SLC38A12: variants seen among roughly 807,000 people sequenced by gnomAD.
SLC38A12 encodes the protein putative sodium-coupled neutral amino acid transporter 12.
chr17:74,797,579 C>G, the SLC38A12 span, among the ~76,000 whole-genome samples: 34 of 152,306 alleles, frequency 2.2e-4, 1 homozygote, highest in Non-Finnish European at 1.5e-5. Context: ...GAAATCAAGG[C>G]AGATGGGCCT....
the SLC38A12 span, chr17:74,838,989 TCTACCCAACATCTGCCA>T: frequency 6.5e-7 from 1 of 1,535,728 alleles, no homozygotes; most frequent in Non-Finnish European, 8.7e-7. Flanking sequence ...CTCAACAGCC[TCTACCCAACATCTGCCA>T]CCTGCATGGC....
the SLC38A12 span, among the ~76,000 whole-genome samples, chr17:74,783,727 T>C: frequency 4.9e-3 from 219 of 44,380 alleles, 2 homozygotes; most frequent in African/African-American, 0.01. Context: ...TTTTCTTTTT[T>C]TTTTTTTTTT....
chr17:74,836,049 A>G, the SLC38A12 span: 1 of 1,612,804 alleles, frequency 6.2e-7, no homozygotes, highest in Non-Finnish European at 8.5e-7. The surrounding 1 kb of genome is among the most constrained non-coding windows in gnomAD (Gnocchi z 4.2). Flanking sequence ...CTACTCCTTC[A>G]TGTGCCAGCA....
chr17:74,786,929 C>T, the SLC38A12 span, among the ~76,000 whole-genome samples: 4 of 152,152 alleles, frequency 2.6e-5, no homozygotes, highest in East Asian at 7.7e-4. Context: ...GGCTCCCAGG[C>T]AGGGGGTACC....
At chr17:74,785,787 C>A in the SLC38A12 span, 1 of 764,410 alleles carries the variant, frequency 1.3e-6, no homozygotes, top group Non-Finnish European at 2.0e-6. Flanking sequence ...CTCCTGGTGG[C>A]TTGTCTTTGT....
At chr17:74,780,548 C>A in the SLC38A12 span, among the ~76,000 whole-genome samples, 1 of 152,314 alleles carries the variant, frequency 6.6e-6, no homozygotes, top group East Asian at 1.9e-4. Context: ...AACTGTCCCA[C>A]GACCAGCAGA....
At chr17:74,839,519 T>C in the SLC38A12 span, 6 of 184,988 alleles carry the variant, frequency 3.2e-5, no homozygotes, top group Admixed American at 5.5e-5. Flanking sequence ...ATGGTGTTGA[T>C]TGCAGACTGG....
chr17:74,796,956 AGGGTAGAT>A, the SLC38A12 span, among the ~76,000 whole-genome samples: 1 of 152,188 alleles, frequency 6.6e-6, no homozygotes, highest in Admixed American at 6.5e-5. Context: ...GATCTCTAGC[AGGGTAGAT>A]GGGCAGAAGG....
chr17:74,799,876 A>C, the SLC38A12 span, among the ~76,000 whole-genome samples: 1 of 152,240 alleles, frequency 6.6e-6, no homozygotes, highest in Non-Finnish European at 1.5e-5. Flanking sequence ...ATGAGGGTGC[A>C]GAGGGAGTGA....
the SLC38A12 span, among the ~76,000 whole-genome samples, chr17:74,818,452 A>G: frequency 9.0e-3 from 1,343 of 149,884 alleles, 79 homozygotes; most frequent in East Asian, 0.16. Flanking sequence ...TCATCCTTAC[A>G]GTGATAATGG....
chr17:74,794,966 A>G, the SLC38A12 span: 3 of 1,477,864 alleles, frequency 2.0e-6, no homozygotes, highest in Non-Finnish European at 9.3e-7. Context: ...AAAAACATGC[A>G]GACATCTCTT....
chr17:74,835,991 G>C, the SLC38A12 span: 1 of 1,611,880 alleles, frequency 6.2e-7, no homozygotes, highest in Non-Finnish European at 8.5e-7. Context: ...AGGGGCACCC[G>C]CCCCTGGCTG....
chr17:74,800,234 C>T, the SLC38A12 span, among the ~76,000 whole-genome samples: 2 of 152,262 alleles, frequency 1.3e-5, no homozygotes, highest in East Asian at 3.8e-4. Context: ...CTTCTCAGCC[C>T]TGGAAGCCTG....
chr17:74,819,464 G>C, the SLC38A12 span, among the ~76,000 whole-genome samples: 497 of 152,378 alleles, frequency 3.3e-3, 3 homozygotes, highest in African/African-American at 0.011. Context: ...AGAGCAGGAC[G>C]CATGGGGTCC....
the SLC38A12 span, among the ~76,000 whole-genome samples, chr17:74,820,082 A>G: frequency 3.9e-5 from 6 of 152,214 alleles, no homozygotes; most frequent in African/African-American, 7.2e-5. Context: ...TCGAGGTCAC[A>G]TAGTGTGGAT....
At chr17:74,823,293 C>A in the SLC38A12 span, among the ~76,000 whole-genome samples, 33 of 152,318 alleles carry the variant, frequency 2.2e-4, no homozygotes, top group Non-Finnish European at 3.5e-4. Context: ...AATAAATGTG[C>A]TGAGCCGGAA....
the SLC38A12 span, chr17:74,837,472 GC>G: frequency 1.1e-5 from 11 of 985,378 alleles, no homozygotes; most frequent in African/African-American, 1.7e-5. Flanking sequence ...AGCCCTCAGG[GC>G]CTCCTACAGT....
chr17:74,814,407 G>A, the SLC38A12 span, among the ~76,000 whole-genome samples: 3 of 152,148 alleles, frequency 2.0e-5, no homozygotes, highest in African/African-American at 7.2e-5. Flanking sequence ...GGGGAGTCGG[G>A]CACCCCAGGC....
the SLC38A12 span, chr17:74,838,141 G>A: frequency 1.0e-6 from 1 of 985,642 alleles, no homozygotes; most frequent in Admixed American, 6.1e-5. Context: ...CCTGGCAGCT[G>A]AAGCCTGGGA....
Sources: allele counts gnomAD v4.1 joint callset (sites outside exome capture counted in the v4.1 genomes callset), GRCh38; gene constraint gnomAD v4.1.1; non-coding constraint Gnocchi (gnomAD v3.1); transcripts MANE v1.5; gene names NCBI Gene and HGNC (gene_info 2026-07-23, HGNC 2026-07-21).